Variants in ADCY4 observed in about 807,000 individuals in gnomAD.
The protein encoded by ADCY4 is adenylate cyclase 4, also known as adenylate cyclase type 4.
A neutral mutation model predicts 125.5 loss-of-function variants in ADCY4; 111 were observed. That is an observed-to-expected ratio of 0.88 (90% confidence interval 0.76 to 1.04). The LOEUF is 1.04. Among genes scored for constraint, ADCY4 ranks in the 50% least tolerant of loss-of-function variants. The probability of loss-of-function intolerance (pLI) is 0.00; values close to 1 mark genes in which losing one functional copy is unlikely to be tolerated. For missense variants in ADCY4, 1,256 were observed against 1,382.9 expected, an observed-to-expected ratio of 0.91 and a Z score of 1.46; for synonymous variants, 576 against 586.9, an observed-to-expected ratio of 0.98 and a Z score of 0.27.
chr14:24,324,081 G>A lies in ADCY4; in HGVS notation c.2027C>T (p.Ala676Val), dbSNP rs1313366323. 1.9e-6 allele frequency: 3 copies of A among 1,614,194 alleles called. No homozygotes were observed. Among genetic ancestry groups the A allele is most frequent in the Non-Finnish European group, 2.5e-6 (3 of 1,180,026 alleles). Residue 676 changes from alanine to valine, a missense_variant, in exon 16 of 25, where the codon GCC (alanine) becomes GTC (valine). By Grantham distance (64) the Ala-to-Val change is moderately conservative (BLOSUM62 0). Transcript: ENST00000418030. Reference protein sequence around the residue: ...LGTATILLVFAMAITSLFFFP... With the variant: ...LGTATILLVFVMAITSLFFFP... ...CCTCACCAGGCTGGTAATGGCCATG[G>A]CAAAGACAAGGAGGATGGTGGCGGT...
chr14:24,319,376 T>C lies in ADCY4; in HGVS notation c.2794A>G (p.Met932Val). 1 of 1,614,132 alleles carries C rather than the reference T, an allele frequency of 6.2e-7. No homozygotes were observed. The highest frequency in any genetic ancestry group is 1.1e-5 in the South Asian group (1 of 91,070). Reference protein sequence around the residue: ...EKIKTIGSTYMAATGLNATSG... With the variant: ...EKIKTIGSTYVAATGLNATSG... Reference sequence around the variant, plus strand: ...GTGGCATTTAAGCCTGTGGCTGCCATGTAGGTGCTGCCGATGGTCTTGATC... The same window carrying C: ...GTGGCATTTAAGCCTGTGGCTGCCACGTAGGTGCTGCCGATGGTCTTGATC... Residue 932 changes from methionine (M) to valine (V), a missense_variant, in exon 22 of 25, where the codon ATG (methionine) becomes GTG (valine). Physicochemically the swap from Met to Val is conservative, Grantham distance 21 (BLOSUM62 1). Coordinates refer to ENST00000418030, the MANE Select transcript of ADCY4 (RefSeq NM_001198568.2). The surrounding 1 kb of genome is among the most constrained non-coding windows in gnomAD (Gnocchi z 4.5).
intron 10 of ADCY4, 45 bp from the exon 11 acceptor site, chr14:24,326,387 C>T: frequency 1.2e-6 from 2 of 1,610,698 alleles, no homozygotes; most frequent in South Asian, 1.1e-5. Flanking sequence ...GGGTGTTTTC[C>T]CTGCAGTGAG....
chr14:24,329,071 G>A lies in ADCY4; in HGVS notation c.1514C>T (p.Thr505Ile). The A allele has an allele frequency of 8.1e-6, 13 of 1,613,586 alleles. No homozygotes were observed. Among genetic ancestry groups the A allele is most frequent in the Non-Finnish European group, 1.1e-5 (13 of 1,179,716 alleles). ...SHGDSPVSTSTPLPEKTLASF... is the reference protein window; with the variant it reads ...SHGDSPVSTSIPLPEKTLASF... The stretch of plus-strand genomic sequence containing the variant: ...TGAAGGTGCACATACCGGGAGAGGG[G>A]TGGAGGTGGACACAGGGCTGTCTCC... The change falls in exon 10 of 25, where the codon ACC (threonine) becomes ATC (isoleucine). Residue 505 changes from threonine (T) to isoleucine (I), a missense_variant. By Grantham distance (89) the Thr-to-Ile change is moderately conservative. Coordinates refer to ENST00000418030, the MANE Select transcript of ADCY4 (RefSeq NM_001198568.2).
chr14:24,334,975 C>T lies in ADCY4; in HGVS notation c.-323G>A, dbSNP rs1041656220. 4 of 231,858 alleles carry T rather than the reference C, an allele frequency of 1.7e-5. No individual in the cohort carries two copies. The East Asian group carries it at 3.4e-4, about 19-fold the overall frequency. 14.4% of individuals were successfully genotyped at this position (231,858 alleles called of 1,614,324 possible). A position where few individuals can be genotyped will look rare whatever the true frequency, so the allele number is the denominator to read the frequency against. On this transcript the variant is annotated 5_prime_UTR_variant, in exon 1 of 25. Transcript: ENST00000418030. ...GGGAGCCCCGGGTTCCCCTGATCCC[C>T]GAACTCACTGCCCGCGGCGCTGGCG... is the stretch of plus-strand genomic sequence containing the variant.
chr14:24,325,915 A>T (rs2041934619), intron 12 of ADCY4, 28 bp from the exon 13 acceptor site: 1 of 1,576,496 alleles, frequency 6.3e-7, no homozygotes, highest in Middle Eastern at 1.7e-4. Context: ...GGTGGGTGAA[A>T]GCACCAGAGA....
rs1237424322 is a variant in ADCY4, at chr14:24,329,162, A to C, written c.1423T>G (p.Ser475Ala). Reference sequence around the variant, plus strand: ...TCCAGGTAACGGGTCATCAGCAGTGATGGACGCATCTTGAGGCCCTCAAGC... The same window carrying C: ...TCCAGGTAACGGGTCATCAGCAGTGCTGGACGCATCTTGAGGCCCTCAAGC... ...SSLEGLKMRPSLLMTRYLESW... is the reference protein window; with the variant it reads ...SSLEGLKMRPALLMTRYLESW... Residue 475 changes from serine to alanine, a missense_variant, in exon 10 of 25, where the codon TCA becomes GCA. Ser to Ala is a moderately conservative substitution (Grantham distance 99). Transcript: ENST00000418030. The C allele has an allele frequency of 6.2e-7, 1 of 1,613,938 alleles. No homozygotes were observed. Among genetic ancestry groups the C allele is most frequent in the Admixed American group, 1.7e-5 (1 of 59,994 alleles).
rs746059856 is a variant in ADCY4 at position 24,332,700 on chromosome 14, G to A, written c.358-17C>T. ...ATAGGACACCTGGGGGCGGGGCGCG[G>A]GAAGCCGAAGGCCCAAGTGGGGCTA... is the stretch of plus-strand genomic sequence containing the variant. On this transcript the variant is annotated splice_polypyrimidine_tract_variant and intron_variant, in intron 2 of 24. Coordinates refer to ENST00000418030, the MANE Select transcript of ADCY4 (RefSeq NM_001198568.2). The A allele has an allele frequency of 1.2e-4, 187 of 1,576,932 alleles. No homozygotes were observed. Among genetic ancestry groups the A allele is most frequent in the Non-Finnish European group, 1.6e-5 (19 of 1,161,010 alleles).
chr14:24,318,641 G>A lies in ADCY4; in HGVS notation c.3081+13C>T, dbSNP rs769107327. On this transcript the variant is annotated intron_variant, in intron 24 of 24. Coordinates refer to ENST00000418030, the MANE Select transcript of ADCY4 (RefSeq NM_001198568.2). The stretch of plus-strand genomic sequence containing the variant: ...GTCCCCCTCCCCCTATGCCTCCAAT[G>A]TGGTTCCCTCACTTGGATTTTGCCA... The A allele has an allele frequency of 5.6e-6, 9 of 1,614,036 alleles. No individual in the cohort carries two copies. The highest frequency in any genetic ancestry group is 7.6e-6 in the Non-Finnish European group (9 of 1,180,020).
At chr14:24,324,894 G>C (rs2041918022) in intron 14 of ADCY4, among the ~76,000 whole-genome samples, 1 of 151,916 alleles carries the variant, frequency 6.6e-6, no homozygotes, top group Non-Finnish European at 1.5e-5. Context: ...AGTAGAGATG[G>C]GGTTTCACCA....
In ADCY4 at chr14:24,330,155, C is replaced by G. The variant is rs369478608; in HGVS notation, c.1058+13G>C. 8 of 1,611,668 alleles carry G rather than the reference C, an allele frequency of 5.0e-6. No homozygotes were observed. In the East Asian group the frequency reaches 1.1e-4, roughly 22 times the overall value. On this transcript the variant is annotated intron_variant, in intron 7 of 24. Coordinates refer to ENST00000418030, the MANE Select transcript of ADCY4 (RefSeq NM_001198568.2). ...CACCCTCAGCATTCCTCTTGACCAC[C>G]GCCTGAGCTGACCTGATGGCCCGGC...
At position 24,332,506 on chromosome 14, in the gene ADCY4, C is replaced by T; in HGVS notation, c.519+16G>A. ...AGAGCCGTCCTGAGCGCAGCCTGTG[C>T]TACTTGCGTGCTCACCTGCGGCAGC... On this transcript the variant is annotated intron_variant, in intron 3 of 24. Transcript: ENST00000418030. The T allele has an allele frequency of 6.4e-7, 1 of 1,556,788 alleles. No homozygotes were observed. Among genetic ancestry groups the T allele is most frequent in the South Asian group, 1.2e-5 (1 of 84,690 alleles).
chr14:24,334,601 C>G lies in ADCY4; in HGVS notation c.52G>C (p.Glu18Gln). The change falls in exon 1 of 25, where the codon GAG becomes CAG. Residue 18 changes from glutamate to glutamine, a missense_variant. Coordinates refer to ENST00000418030, the MANE Select transcript of ADCY4 (RefSeq NM_001198568.2). Reference sequence around the variant, plus strand: ...TGCTGGCTCAGGCTGTAGTAGGTCTCGTAGAAGAGGTCTTCGCTGGGGGGC... The same window carrying G: ...TGCTGGCTCAGGCTGTAGTAGGTCTGGTAGAAGAGGTCTTCGCTGGGGGGC... ...RPPPSEDLFY[E>Q]TYYSLSQQYP... The G allele has an allele frequency of 3.2e-6, 5 of 1,566,938 alleles. No homozygotes were observed. Among genetic ancestry groups the G allele is most frequent in the Non-Finnish European group, 4.3e-6 (5 of 1,158,320 alleles).
Position 24,330,278 on chromosome 14 carries a change from C to A in ADCY4, c.948G>T (p.Arg316=). 2 of 1,614,180 alleles carry A rather than the reference C, an allele frequency of 1.2e-6. No homozygotes were observed. The highest frequency in any genetic ancestry group is 1.7e-6 in the Non-Finnish European group (2 of 1,180,040). The change falls in exon 7 of 25, where the codon CGG becomes CGT. Residue 316 remains arginine, a synonymous_variant. Coordinates refer to ENST00000418030, the MANE Select transcript of ADCY4 (RefSeq NM_001198568.2). The part of the protein sequence containing the change: ...DQIAKEHECM[R]IKILGDCYYC... ...AGTAACAGTCCCCCAGGATCTTGATCCGCATGCATTCATGCTCCTGGGAGT... is the reference window on the plus strand; with the variant it reads ...AGTAACAGTCCCCCAGGATCTTGATACGCATGCATTCATGCTCCTGGGAGT...
At position 24,319,236 on chromosome 14, in the gene ADCY4, G is replaced by C; in HGVS notation, c.2842-24C>G. ...TCCTGGCAATGGGCCCGCCCACCAG[G>C]GTGGGCCAGTGAGGGCACAGGAATA... On this transcript the variant is annotated intron_variant, in intron 22 of 24. Transcript: ENST00000418030. This position sits in a 1 kb window ranked among gnomAD's most constrained non-coding sequence, Gnocchi z 4.5. 6.2e-7 allele frequency: 1 copy of C among 1,613,902 alleles called. No homozygotes were observed. Among genetic ancestry groups the C allele is most frequent in the South Asian group, 1.1e-5 (1 of 91,082 alleles).
intron 10 of ADCY4, among the ~76,000 whole-genome samples, chr14:24,327,136 A>G (rs988953837): frequency 1.3e-5 from 2 of 151,976 alleles, no homozygotes; most frequent in Non-Finnish European, 2.9e-5. Flanking sequence ...ACCTCAAGCT[A>G]TCCATCTGCC....
In ADCY4 at chr14:24,332,746, C is replaced by T. The variant is rs111701765; in HGVS notation, c.357+45G>A. On this transcript the variant is annotated intron_variant, in intron 2 of 24. Transcript: ENST00000418030. ...GGCTATTCAAGGCCTGGTGAGGGAT[C>T]GAAGCCCGGGCCGTCCCCGCTGCCC... is the stretch of plus-strand genomic sequence containing the variant. The T allele has an allele frequency of 2.6e-6, 4 of 1,538,760 alleles. No individual in the cohort carries two copies. The East Asian group carries it at 9.7e-5, about 37-fold the overall frequency.
chr14:24,331,055 A>T lies in ADCY4; in HGVS notation c.893T>A (p.Leu298His). Residue 298 changes from leucine to histidine, a missense_variant, in exon 6 of 25, where the codon CTC (leucine) becomes CAC (histidine). By Grantham distance (99) the Leu-to-His change is moderately conservative. Transcript: ENST00000418030. Reference protein sequence around the residue: ...ECSPKELVLMLNELFGKFDQI... With the variant: ...ECSPKELVLMHNELFGKFDQI... Reference sequence around the variant, plus strand: ...GTCGAACTTGCCAAAGAGCTCATTGAGCATGAGCACCAGCTCCTTAGGGGA... The same window carrying T: ...GTCGAACTTGCCAAAGAGCTCATTGTGCATGAGCACCAGCTCCTTAGGGGA... 6.2e-7 allele frequency: 1 copy of T among 1,612,866 alleles called. No individual in the cohort carries two copies. The highest frequency in any genetic ancestry group is 8.5e-7 in the Non-Finnish European group (1 of 1,179,096).
At chr14:24,322,333 C>T in intron 19 of ADCY4, 109 bp from the exon 20 acceptor site, 2 of 1,297,386 alleles carry the variant, frequency 1.5e-6, no homozygotes, top group South Asian at 1.4e-5. Flanking sequence ...ACCCCACCCC[C>T]AGTTTAGAAG....
chr14:24,326,490 C>G (rs2139208908), intron 10 of ADCY4, 148 bp from the exon 11 acceptor site: 2 of 889,472 alleles, frequency 2.2e-6, no homozygotes, highest in South Asian at 1.5e-5. Flanking sequence ...ACCTCTCTGT[C>G]TCCCAAATCC....
Sources: allele counts gnomAD v4.1 joint callset (sites outside exome capture counted in the v4.1 genomes callset), GRCh38; gene constraint gnomAD v4.1.1; non-coding constraint Gnocchi (gnomAD v3.1); transcripts MANE v1.5; gene names NCBI Gene and HGNC (gene_info 2026-07-23, HGNC 2026-07-21).